PPM1D: variants seen among roughly 807,000 people sequenced by gnomAD.
PPM1D encodes protein phosphatase, Mg2+/Mn2+ dependent 1D.
In PPM1D, 52 loss-of-function variants were observed where a neutral mutation model predicts 58.3. The observed-to-expected ratio is 0.89, with a 90% CI of 0.71 to 1.12. The LOEUF is 1.12. Among genes scored for constraint, PPM1D ranks in the 50% most tolerant of loss-of-function variants. The pLI, the probability that PPM1D is intolerant of heterozygous loss-of-function variation, is 0.00. For synonymous variants in PPM1D, 278 were observed against 285.1 expected (o/e 0.98, Z 0.25); for missense variants, 564 against 777.2 (o/e 0.73, Z 3.26).
At chr17:60,650,617 T>C (rs907794750) in intron 4 of PPM1D, among the ~76,000 whole-genome samples, 5 of 151,844 alleles carry the variant, frequency 3.3e-5, no homozygotes, top group African/African-American at 1.2e-4. Flanking sequence ...ACAGCTCTTA[T>C]GTTTATAAGG....
At chr17:60,640,183 C>T (rs74838067) in intron 3 of PPM1D, among the ~76,000 whole-genome samples, 7,098 of 152,156 alleles carry the variant, frequency 0.047, 590 homozygotes, top group African/African-American at 0.16. Context: ...TGGTTGCACG[C>T]GCTTGTAGTC....
intron 2 of PPM1D, among the ~76,000 whole-genome samples, chr17:60,624,476 C>T (rs930467482): frequency 9.9e-5 from 15 of 152,084 alleles, no homozygotes; most frequent in Admixed American, 2.0e-4. Flanking sequence ...TGCAGAGAAA[C>T]GACAAACTAA....
intron 1 of PPM1D, among the ~76,000 whole-genome samples, chr17:60,606,831 C>G (rs1400900610): frequency 6.6e-6 from 1 of 151,964 alleles, no homozygotes; most frequent in African/African-American, 2.4e-5. Context: ...GGGTCTTGCT[C>G]TGTTGTCCAG....
intron 1 of PPM1D, among the ~76,000 whole-genome samples, chr17:60,622,682 G>A (rs2030729554): frequency 6.6e-6 from 1 of 152,168 alleles, no homozygotes; most frequent in East Asian, 1.9e-4. Flanking sequence ...TGTCTCATAA[G>A]TTCGTCACAA....
intron 1 of PPM1D, among the ~76,000 whole-genome samples, chr17:60,621,538 G>A (rs112946047): frequency 2.0e-5 from 3 of 150,942 alleles, no homozygotes; most frequent in Non-Finnish European, 1.5e-5. Context: ...GGGACTACAG[G>A]CACACATGCC....
chr17:60,617,356 T>G (rs2030606040), intron 1 of PPM1D, among the ~76,000 whole-genome samples: 1 of 152,102 alleles, frequency 6.6e-6, no homozygotes, highest in East Asian at 1.9e-4. Flanking sequence ...GTTTGTTTGT[T>G]TTTTAATTTA....
At chr17:60,657,392 C>A (rs987049869) in intron 5 of PPM1D, among the ~76,000 whole-genome samples, 1 of 152,122 alleles carries the variant, frequency 6.6e-6, no homozygotes, top group Non-Finnish European at 1.5e-5. Flanking sequence ...AGATATCATA[C>A]TTTTTTGATT....
intron 1 of PPM1D, among the ~76,000 whole-genome samples, chr17:60,613,272 A>G (rs1030004795): frequency 1.3e-5 from 2 of 152,154 alleles, no homozygotes; most frequent in African/African-American, 4.8e-5. Context: ...TTGCTTAAAC[A>G]ATGTATACCT....
Position 60,663,077 on chromosome 17 carries a change from A to G in PPM1D, c.1343A>G (p.Asn448Ser), listed in dbSNP as rs200334649. The change falls in exon 6 of 6, where the codon AAT (asparagine) becomes AGT (serine). Residue 448 changes from asparagine to serine, a missense_variant. Around this residue, in one of 7 missense-constraint regions of PPM1D, gnomAD observed 261 missense variants for 270.1 expected, o/e 0.97. Coordinates refer to ENST00000305921, the MANE Select transcript of PPM1D (RefSeq NM_003620.4). Reference sequence around the variant, plus strand: ...GTTCGTAGCAATGCCTTCTCAGAGAATTTTTTAGAGGTTTCAGCTGAGATA... The same window carrying G: ...GTTCGTAGCAATGCCTTCTCAGAGAGTTTTTTAGAGGTTTCAGCTGAGATA... ...ALVRSNAFSE[N>S]FLEVSAEIAR... is the part of the protein sequence containing the mutation. The G allele has an allele frequency of 8.1e-5, 130 of 1,614,108 alleles. 1 individual carries two copies. The East Asian group carries it at 2.7e-3, about 34-fold the overall frequency.
chr17:60,601,969 A>G (rs1314922483), intron 1 of PPM1D, among the ~76,000 whole-genome samples: 2 of 152,236 alleles, frequency 1.3e-5, no homozygotes, highest in Non-Finnish European at 2.9e-5. Flanking sequence ...TATTTTCAGC[A>G]GAGGGATAGA....
At chr17:60,655,164 A>G (rs2031413972) in intron 4 of PPM1D, among the ~76,000 whole-genome samples, 1 of 152,018 alleles carries the variant, frequency 6.6e-6, no homozygotes, top group Admixed American at 6.6e-5. Context: ...TGAGCTGTTT[A>G]TATTTCCTTT....
At chr17:60,620,972 G>T (rs2030689262) in intron 1 of PPM1D, among the ~76,000 whole-genome samples, 1 of 151,856 alleles carries the variant, frequency 6.6e-6, no homozygotes, top group African/African-American at 2.4e-5. Flanking sequence ...GCCCAGGCTG[G>T]AGTGCAGCGG....
intron 2 of PPM1D, among the ~76,000 whole-genome samples, chr17:60,629,771 C>T (rs991030616): frequency 6.6e-6 from 1 of 152,152 alleles, no homozygotes; most frequent in African/African-American, 2.4e-5. Flanking sequence ...GGCACAGTGG[C>T]TTACGCTTAT....
At chr17:60,658,832 C>T (rs1308472130) in intron 5 of PPM1D, among the ~76,000 whole-genome samples, 1 of 151,868 alleles carries the variant, frequency 6.6e-6, no homozygotes, top group Non-Finnish European at 1.5e-5. Context: ...TGTGGTGGCT[C>T]GTGCCTGTAA....
chr17:60,610,840 T>G (rs2030439375), intron 1 of PPM1D, among the ~76,000 whole-genome samples: 1 of 152,222 alleles, frequency 6.6e-6, no homozygotes, highest in Non-Finnish European at 1.5e-5. Context: ...CCTCACTAGA[T>G]ATTGCCAAAT....
intron 1 of PPM1D, among the ~76,000 whole-genome samples, chr17:60,618,280 T>C (rs1030437837): frequency 6.6e-6 from 1 of 152,222 alleles, no homozygotes; most frequent in Non-Finnish European, 1.5e-5. Context: ...TTGACTCATG[T>C]ATTTGTTGTG....
chr17:60,633,304 AAAATT>A (rs1318742727), intron 2 of PPM1D, among the ~76,000 whole-genome samples: 1 of 152,204 alleles, frequency 6.6e-6, no homozygotes, highest in Non-Finnish European at 1.5e-5. Context: ...AACAACAACA[AAAATT>A]AAAACTGAAG....
chr17:60,623,790 T>G, intron 2 of PPM1D, 41 bp downstream of exon 2: 1 of 1,578,240 alleles, frequency 6.3e-7, no homozygotes, highest in Non-Finnish European at 8.7e-7. Flanking sequence ...TTGGTTCTAT[T>G]TAGTCCTTTT....
intron 1 of PPM1D, among the ~76,000 whole-genome samples, chr17:60,602,473 C>A (rs60857196): frequency 0.12 from 18,564 of 151,018 alleles, 3,513 homozygotes; most frequent in African/African-American, 0.41. Flanking sequence ...GGGTGTGGGC[C>A]GCCTTACTTT....
Sources: gnomAD v4.1 joint callset for allele counts (sites outside exome capture counted in the v4.1 genomes callset) on GRCh38, gnomAD v4.1.1 for gene constraint, gnomAD v4.1.1 regional missense constraint, MANE v1.5 for transcripts, NCBI Gene and HGNC (gene_info 2026-07-23, HGNC 2026-07-21) for gene names.